Variants in CYSTM1 observed in about 807,000 individuals in gnomAD.
CYSTM1 encodes the protein cysteine-rich transmembrane module-containing protein 1.
A neutral mutation model predicts 13.1 loss-of-function variants in CYSTM1; 4 were observed. That is an observed-to-expected ratio of 0.31 (90% CI 0.15 to 0.70). The LOEUF (loss-of-function observed/expected upper bound fraction) is 0.70. Ranked by LOEUF, CYSTM1 falls within the 30% of genes least tolerant of loss-of-function variation. CYSTM1 has a pLI of 0.72. For missense variants in CYSTM1, 96 were observed against 121.6 expected, an observed-to-expected ratio of 0.79 and a Z score of 0.99; for synonymous variants, 36 against 42.7, an observed-to-expected ratio of 0.84 and a Z score of 0.62.
chr5:140,242,415 T>A (rs1449218879), intron 2 of CYSTM1, among the ~76,000 whole-genome samples: 3 of 152,136 alleles, frequency 2.0e-5, no homozygotes, highest in African/African-American at 7.2e-5. Context: ...AGGACTGGCT[T>A]AATTGATAAC....
chr5:140,232,333 G>A (rs1764626792), intron 2 of CYSTM1, among the ~76,000 whole-genome samples: 1 of 152,160 alleles, frequency 6.6e-6, no homozygotes, highest in African/African-American at 2.4e-5. Context: ...GGAGAGCCTT[G>A]GCATGTTGAT....
intron 2 of CYSTM1, among the ~76,000 whole-genome samples, chr5:140,210,686 A>AT (rs1764357424): frequency 6.6e-6 from 1 of 151,780 alleles, no homozygotes; most frequent in Non-Finnish European, 1.5e-5. Context: ...TAATTTTTGT[A>AT]TTTTTTGTAG....
At chr5:140,193,626 T>TA (rs751160036) in intron 1 of CYSTM1, among the ~76,000 whole-genome samples, 3 of 152,108 alleles carry the variant, frequency 2.0e-5, no homozygotes, top group Non-Finnish European at 4.4e-5. Context: ...CTGTGGAACT[T>TA]AAAGAGATAA....
chr5:140,196,072 A>G (rs950485134), intron 2 of CYSTM1, among the ~76,000 whole-genome samples: 2 of 152,012 alleles, frequency 1.3e-5, no homozygotes, highest in Admixed American at 6.6e-5. Flanking sequence ...TGTGTGTCAC[A>G]TGGTCTCCTA....
intron 2 of CYSTM1, among the ~76,000 whole-genome samples, chr5:140,240,006 G>A (rs1052080891): frequency 2.0e-5 from 3 of 152,070 alleles, no homozygotes; most frequent in Non-Finnish European, 4.4e-5. Context: ...GCCCGCGTCA[G>A]GAGCTGGAAC....
chr5:140,176,884 A>C (rs1356518139), intron 1 of CYSTM1, among the ~76,000 whole-genome samples: 1 of 151,968 alleles, frequency 6.6e-6, no homozygotes, highest in Non-Finnish European at 1.5e-5. Context: ...CCTGACTAAC[A>C]CGGTGAAACC....
At position 140,208,493 on chromosome 5, in the gene CYSTM1, G is replaced by C. The variant is rs1021456482; in HGVS notation, c.187+13841G>C. ...GTGGATACAAAAGAATAGTTAGAAA[G>C]AATGAATGAGTCTGGTATTTGCTAG... On this transcript the variant is annotated intron_variant, in intron 2 of 2. Coordinates refer to ENST00000261811, the MANE Select transcript of CYSTM1 (RefSeq NM_032412.4). 2.2e-3 allele frequency among the ~76,000 whole-genome samples: 334 copies of C among 152,292 alleles called. 1 individual carries two copies. The highest frequency in any genetic ancestry group is 7.7e-3 in the African/African-American group (321 of 41,560).
chr5:140,200,520 C>T (rs1283478293), intron 2 of CYSTM1: 1 of 150,142 alleles, frequency 6.7e-6, no homozygotes, highest in Non-Finnish European at 1.5e-5. Flanking sequence ...AACCCTTTAG[C>T]AATCTCTCCC....
chr5:140,181,627 C>T (rs1763963230), intron 1 of CYSTM1, among the ~76,000 whole-genome samples: 1 of 152,156 alleles, frequency 6.6e-6, no homozygotes. Flanking sequence ...GGACTACAGG[C>T]ACATATCACT....
intron 2 of CYSTM1, among the ~76,000 whole-genome samples, chr5:140,216,166 T>C (rs6878006): frequency 0.23 from 35,054 of 151,898 alleles, 4,077 homozygotes; most frequent in African/African-American, 0.25. Flanking sequence ...TGTGTAACTT[T>C]ATATAGTCTG....
intron 2 of CYSTM1, among the ~76,000 whole-genome samples, chr5:140,213,642 A>G (rs774296355): frequency 6.6e-6 from 1 of 152,190 alleles, no homozygotes; most frequent in African/African-American, 2.4e-5. Context: ...ACCAGTTTTT[A>G]TCTTTTATAC....
At chr5:140,221,464 A>G (rs2126667350) in intron 2 of CYSTM1, among the ~76,000 whole-genome samples, 1 of 152,346 alleles carries the variant, frequency 6.6e-6, no homozygotes, top group Non-Finnish European at 1.5e-5. Context: ...AAGTGGAATC[A>G]TATAGTATTT....
At chr5:140,209,038 CA>C (rs58604987) in intron 2 of CYSTM1, among the ~76,000 whole-genome samples, 5,110 of 91,256 alleles carry the variant, frequency 0.056, 247 homozygotes, top group African/African-American at 0.17. Flanking sequence ...GACTCCATCT[CA>C]AAAAAAAAAA....
chr5:140,237,735 AT>A (rs964475577), intron 2 of CYSTM1, among the ~76,000 whole-genome samples: 2 of 152,080 alleles, frequency 1.3e-5, no homozygotes, highest in Non-Finnish European at 2.9e-5. Context: ...AAATTGTGTT[AT>A]TGGGTCTACT....
At chr5:140,205,155 G>A (rs1393748351) in intron 2 of CYSTM1, among the ~76,000 whole-genome samples, 1 of 152,208 alleles carries the variant, frequency 6.6e-6, no homozygotes, top group Non-Finnish European at 1.5e-5. Flanking sequence ...TGAAAAGGGA[G>A]TGCATCTTCA....
chr5:140,179,894 C>A (rs976214191), intron 1 of CYSTM1, among the ~76,000 whole-genome samples: 4 of 152,064 alleles, frequency 2.6e-5, no homozygotes, highest in Admixed American at 6.5e-5. Flanking sequence ...AACTCCTGAC[C>A]TCAGGTGATC....
chr5:140,216,191 T>C (rs538872046), intron 2 of CYSTM1, among the ~76,000 whole-genome samples: 31 of 152,312 alleles, frequency 2.0e-4, no homozygotes, highest in East Asian at 1.5e-3. Context: ...TCCTCAGCTG[T>C]ATCTCAGTCT....
intron 1 of CYSTM1, among the ~76,000 whole-genome samples, chr5:140,192,062 A>T (rs1286607237): frequency 6.6e-6 from 1 of 152,138 alleles, no homozygotes; most frequent in Non-Finnish European, 1.5e-5. Context: ...CAGGCCCTGG[A>T]AAAATAAGAT....
chr5:140,179,324 C>T (rs1162447191), intron 1 of CYSTM1, among the ~76,000 whole-genome samples: 2 of 150,804 alleles, frequency 1.3e-5, no homozygotes, highest in East Asian at 2.0e-4. Flanking sequence ...TTTGGGAGGC[C>T]GAGGTGGGTG....
Sources: gnomAD v4.1 joint callset for allele counts (sites outside exome capture counted in the v4.1 genomes callset) on GRCh38, gnomAD v4.1.1 for gene constraint, MANE v1.5 for transcripts, NCBI Gene and HGNC (gene_info 2026-07-23, HGNC 2026-07-21) for gene names.